Variants in UGT2B4 observed in about 807,000 individuals in gnomAD.
UGT2B4 encodes the protein UDP-glucuronosyltransferase 2B4.
UGT2B4 carries 49 observed loss-of-function variants against 49.8 expected under a neutral mutation model. The observed-to-expected ratio is 0.98, with a 90% CI of 0.78 to 1.25. The LOEUF (loss-of-function observed/expected upper bound fraction) is 1.25. UGT2B4 is among the 50% of genes most tolerant of loss of function. The pLI is 0.00. For missense variants in UGT2B4, 729 were observed against 627.7 expected (o/e 1.16, Z -1.73); for synonymous variants, 246 against 217.7 (o/e 1.13, Z -1.14).
intron 1 of UGT2B4, among the ~76,000 whole-genome samples, chr4:69,504,107 G>C (rs1474608616): frequency 6.6e-6 from 1 of 152,056 alleles, no homozygotes; most frequent in African/African-American, 2.4e-5. Context: ...TTGATGACAG[G>C]CCCACAAAGG....
chr4:69,486,030 G>A (rs1727771600), intron 4 of UGT2B4, among the ~76,000 whole-genome samples: 2 of 152,156 alleles, frequency 1.3e-5, no homozygotes, highest in African/African-American at 4.8e-5. Flanking sequence ...CAAAGTGCTA[G>A]GATTGCAGGC....
intron 1 of UGT2B4, among the ~76,000 whole-genome samples, chr4:69,512,445 G>C (rs1728629893): frequency 6.6e-6 from 1 of 151,698 alleles, no homozygotes; most frequent in Admixed American, 6.6e-5. Flanking sequence ...ATGTAAGTTT[G>C]ACTATTCTAC....
upstream of UGT2B4, among the ~76,000 whole-genome samples, chr4:69,496,192 T>A (rs1176970810): frequency 6.6e-6 from 1 of 150,886 alleles, no homozygotes; most frequent in Non-Finnish European, 1.5e-5. Context: ...ACCCAGCTAA[T>A]TTTTCTGTAT....
intron 1 of UGT2B4, among the ~76,000 whole-genome samples, chr4:69,511,272 G>C (rs1489958693): frequency 6.6e-6 from 1 of 152,074 alleles, no homozygotes; most frequent in Non-Finnish European, 1.5e-5. Context: ...TTACAGGCTT[G>C]AGCCACCGTG....
intron 2 of UGT2B4, among the ~76,000 whole-genome samples, chr4:69,491,304 C>T (rs766059263): frequency 6.6e-6 from 1 of 151,674 alleles, no homozygotes; most frequent in South Asian, 2.1e-4. Context: ...TAGTATGCAT[C>T]TAGTATATGT....
chr4:69,499,087 A>T (rs1728236966), upstream of UGT2B4, among the ~76,000 whole-genome samples: 1 of 152,186 alleles, frequency 6.6e-6, no homozygotes, highest in Non-Finnish European at 1.5e-5. Flanking sequence ...GGTTTGAAAG[A>T]ACTTCTTGAT....
chr4:69,525,785 C>G, exon 1 of UGT2B4: 1 of 1,176,812 alleles, frequency 8.5e-7, no homozygotes. Context: ...AACAAGTTGA[C>G]TAACATTTAT....
chr4:69,514,882 G>C (rs1254011322), intron 1 of UGT2B4, among the ~76,000 whole-genome samples: 4 of 152,098 alleles, frequency 2.6e-5, no homozygotes, highest in Non-Finnish European at 4.4e-5. Context: ...AAAAGCAAGG[G>C]TTGCAGTCCT....
At chr4:69,484,168 A>G (rs1727696905) in intron 5 of UGT2B4, among the ~76,000 whole-genome samples, 1 of 152,152 alleles carries the variant, frequency 6.6e-6, no homozygotes, top group African/African-American at 2.4e-5. Flanking sequence ...GTTGGCAACA[A>G]TGTGGATGAA....
At position 69,485,314 on chromosome 4, in the gene UGT2B4, T is replaced by TATCAG. The variant is rs758645579; in HGVS notation, c.1199_1203dup (p.Asn402LeufsTer7). The TATCAG allele has an allele frequency of 2.5e-6, 4 of 1,614,046 alleles. No individual in the cohort carries two copies. The South Asian group carries it at 4.4e-5, about 18-fold the overall frequency. On this transcript the variant is annotated frameshift_variant, in exon 5 of 6. Transcript: ENST00000305107. LOFTEE classifies it high-confidence loss of function. ...CCCTTGGCCTTCATGTGTGCAATGTTATCAGGTTGATCTGCAAACAATGGA... is the reference window on the plus strand; with the variant it reads ...CCCTTGGCCTTCATGTGTGCAATGTTATCAGATCAGGTTGATCTGCAAACAATGGA...
chr4:69,525,773 T>G, exon 1 of UGT2B4: 1 of 1,215,268 alleles, frequency 8.2e-7, no homozygotes, highest in Middle Eastern at 2.2e-4. Flanking sequence ...TGTTTATATT[T>G]AAACAAGTTG....
At chr4:69,481,218 A>T (rs1727582896) in intron 5 of UGT2B4, among the ~76,000 whole-genome samples, 1 of 151,276 alleles carries the variant, frequency 6.6e-6, no homozygotes, top group South Asian at 2.1e-4. Context: ...GCAGTGAGCC[A>T]CAATCACACC....
chr4:69,524,139 G>A (rs1314814723), intron 1 of UGT2B4, among the ~76,000 whole-genome samples: 1 of 126,430 alleles, frequency 7.9e-6, no homozygotes, highest in African/African-American at 2.9e-5. Flanking sequence ...CTTGCCATTT[G>A]TACATTCACT....
chr4:69,512,496 C>T (rs2109828631), intron 1 of UGT2B4, among the ~76,000 whole-genome samples: 1 of 152,138 alleles, frequency 6.6e-6, no homozygotes, highest in East Asian at 1.9e-4. Context: ...TTCTAGATGG[C>T]TGGAAACCAT....
At chr4:69,515,725 T>G (rs922305245) in intron 1 of UGT2B4, among the ~76,000 whole-genome samples, 2 of 152,096 alleles carry the variant, frequency 1.3e-5, no homozygotes, top group Non-Finnish European at 2.9e-5. Context: ...CAGGAGCTCA[T>G]TTTTTGAAAA....
chr4:69,487,919 T>G (rs1727841815), intron 3 of UGT2B4, among the ~76,000 whole-genome samples: 1 of 152,076 alleles, frequency 6.6e-6, no homozygotes, highest in Non-Finnish European at 1.5e-5. Context: ...ATTAATTTAT[T>G]CATTTTTTTG....
chr4:69,484,989 G>C (rs1428335277), intron 5 of UGT2B4, among the ~76,000 whole-genome samples: 1 of 151,712 alleles, frequency 6.6e-6, no homozygotes, highest in Non-Finnish European at 1.5e-5. Flanking sequence ...AATTATTTTT[G>C]TGTAGAAAAT....
chr4:69,497,387 T>C (rs1272840500), upstream of UGT2B4, among the ~76,000 whole-genome samples: 2 of 152,232 alleles, frequency 1.3e-5, no homozygotes, highest in African/African-American at 4.8e-5. Context: ...GGAGGTAAGT[T>C]TGAGGGCCTC....
intron 3 of UGT2B4, among the ~76,000 whole-genome samples, chr4:69,489,009 T>C (rs929998406): frequency 4.6e-5 from 7 of 152,112 alleles, no homozygotes; most frequent in Admixed American, 2.0e-4. Flanking sequence ...ATGTCAGCCT[T>C]TTTGAAATAC....
Sources: allele counts gnomAD v4.1 joint callset (sites outside exome capture counted in the v4.1 genomes callset), GRCh38; gene constraint gnomAD v4.1.1; transcripts MANE v1.5; gene names NCBI Gene and HGNC (gene_info 2026-07-23, HGNC 2026-07-21).